The following SMYD3 variants were observed in gnomAD, a reference collection of about 807,000 sequenced individuals.
SMYD3 encodes the protein histone-lysine N-methyltransferase SMYD3.
SMYD3 carries 36 observed loss-of-function variants against 57.7 expected under a neutral mutation model. That is an observed-to-expected ratio of 0.62 (90% confidence interval 0.48 to 0.82). The LOEUF (loss-of-function observed/expected upper bound fraction) is 0.82. Ranked by LOEUF, SMYD3 falls within the 40% of genes least tolerant of loss-of-function variation. SMYD3 has a pLI of 0.00. For synonymous variants in SMYD3, 211 were observed against 195.0 expected (o/e 1.08, Z -0.68); for missense variants, 515 against 538.8 (o/e 0.96, Z 0.44).
chr1:245,771,827 C>T (rs2046350891), intron 10 of SMYD3, among the ~76,000 whole-genome samples: 1 of 151,262 alleles, frequency 6.6e-6, no homozygotes, highest in Admixed American at 6.6e-5. Flanking sequence ...ATTTTTGTTG[C>T]TGGGAGGGAA....
intron 10 of SMYD3, among the ~76,000 whole-genome samples, chr1:245,794,408 G>A (rs889308609): frequency 1.3e-5 from 2 of 152,176 alleles, no homozygotes; most frequent in African/African-American, 4.8e-5. Context: ...GTGACCTGAC[G>A]TCACTGGCTG....
intron 5 of SMYD3, among the ~76,000 whole-genome samples, chr1:246,106,290 A>G (rs2061118622): frequency 6.6e-6 from 1 of 152,230 alleles, no homozygotes; most frequent in Admixed American, 6.5e-5. Flanking sequence ...AAAATCCCTG[A>G]GGTTATAAGC....
At chr1:246,451,044 C>T (rs2067625880) in intron 1 of SMYD3, among the ~76,000 whole-genome samples, 1 of 152,134 alleles carries the variant, frequency 6.6e-6, no homozygotes, top group African/African-American at 2.4e-5. Flanking sequence ...ATACTTCAAC[C>T]ACAAACATTC....
At chr1:245,887,205 A>G (rs575419608) in intron 8 of SMYD3, among the ~76,000 whole-genome samples, 1 of 152,232 alleles carries the variant, frequency 6.6e-6, no homozygotes, top group Admixed American at 6.5e-5. Context: ...GCCAAATCCT[A>G]CCAAAACCGA....
chr1:245,947,750 A>AT (rs2057472882), intron 5 of SMYD3, among the ~76,000 whole-genome samples: 1 of 152,200 alleles, frequency 6.6e-6, no homozygotes, highest in Non-Finnish European at 1.5e-5. Flanking sequence ...CCCACTCAAT[A>AT]AACAGTCCAC....
At chr1:246,206,594 A>C (rs1381069857) in intron 5 of SMYD3, among the ~76,000 whole-genome samples, 1 of 152,198 alleles carries the variant, frequency 6.6e-6, no homozygotes, top group Admixed American at 6.5e-5. Flanking sequence ...CAAAACAAAA[A>C]TCAATAACCA....
chr1:246,137,297 CAT>C (rs1386442030), intron 5 of SMYD3, among the ~76,000 whole-genome samples: 4 of 152,120 alleles, frequency 2.6e-5, no homozygotes, highest in Non-Finnish European at 5.9e-5. Context: ...ATGGGATTCA[CAT>C]GTTTTAATCT....
At chr1:245,798,328 G>A (rs1004828543) in intron 10 of SMYD3, among the ~76,000 whole-genome samples, 5 of 28,270 alleles carry the variant, frequency 1.8e-4, no homozygotes, top group African/African-American at 5.3e-4. Flanking sequence ...CCCGGCCCAT[G>A]GGGAAGGGCA....
chr1:246,130,432 T>C (rs548910041), intron 5 of SMYD3, among the ~76,000 whole-genome samples: 176 of 152,306 alleles, frequency 1.2e-3, no homozygotes, highest in African/African-American at 4.1e-3. Context: ...AGGAAGACCA[T>C]TTATGCTAAA....
intron 5 of SMYD3, among the ~76,000 whole-genome samples, chr1:245,941,452 G>T (rs767462121): frequency 6.6e-6 from 1 of 152,164 alleles, no homozygotes; most frequent in Non-Finnish European, 1.5e-5. Flanking sequence ...AAGCCCATCA[G>T]ACTAACAGCA....
At position 245,879,778 on chromosome 1, in the gene SMYD3, C is replaced by T. The variant is rs113465581; in HGVS notation, c.814-15892G>A. Among the ~76,000 whole-genome samples the T allele has an allele frequency of 3.7e-3, 562 of 152,236 alleles. 5 individuals carry two copies. The highest frequency in any genetic ancestry group is 0.012 in the African/African-American group (516 of 41,526). On this transcript the variant is annotated intron_variant, in intron 8 of 11. Transcript: ENST00000490107. ...GAATGGCAGCAGAAGACCAGAGTGG[C>T]GGCAAATATGGTCTCAAGAAAATAA...
At chr1:246,297,411 G>A (rs772438813) in intron 5 of SMYD3, among the ~76,000 whole-genome samples, 9 of 152,082 alleles carry the variant, frequency 5.9e-5, no homozygotes, top group African/African-American at 1.2e-4. Context: ...ACTTCAGTAC[G>A]GTAGTAGAGG....
At chr1:246,457,349 T>C (rs576834669) in intron 1 of SMYD3, among the ~76,000 whole-genome samples, 8 of 152,004 alleles carry the variant, frequency 5.3e-5, no homozygotes, top group Non-Finnish European at 7.4e-5. Context: ...CTGGCCAACA[T>C]GGTGAAACCC....
At chr1:246,114,563 T>G (rs1173556591) in intron 5 of SMYD3, among the ~76,000 whole-genome samples, 1 of 152,190 alleles carries the variant, frequency 6.6e-6, no homozygotes, top group Non-Finnish European at 1.5e-5. Context: ...TTTCAGCCCC[T>G]GCCTCTTGGC....
chr1:245,798,407 T>TACACACACACACACACATACACACAC (rs1402299710), intron 10 of SMYD3, among the ~76,000 whole-genome samples: 1 of 16,304 alleles, frequency 6.1e-5, no homozygotes, highest in Non-Finnish European at 1.3e-4. Context: ...CACACACACA[T>TACACACACACACACACATACACACAC]ACACACACAT....
intron 1 of SMYD3, among the ~76,000 whole-genome samples, chr1:246,402,531 C>T (rs2066790046): frequency 6.6e-6 from 1 of 151,960 alleles, no homozygotes; most frequent in African/African-American, 2.4e-5. Flanking sequence ...ACTCAATATA[C>T]TTCAAACATC....
chr1:246,277,676 C>T (rs1169099941), intron 5 of SMYD3, among the ~76,000 whole-genome samples: 1 of 152,160 alleles, frequency 6.6e-6, no homozygotes, highest in African/African-American at 2.4e-5. Flanking sequence ...TATCCCAATA[C>T]AGACCACCGC....
intron 5 of SMYD3, among the ~76,000 whole-genome samples, chr1:246,174,005 T>C (rs1459822233): frequency 6.6e-6 from 1 of 152,106 alleles, no homozygotes; most frequent in African/African-American, 2.4e-5. Context: ...ACACAGGGTC[T>C]CATTATGCTA....
At chr1:246,169,047 A>G (rs2062274237) in intron 5 of SMYD3, among the ~76,000 whole-genome samples, 1 of 152,190 alleles carries the variant, frequency 6.6e-6, no homozygotes. Flanking sequence ...TTGCTTTAAT[A>G]TGAAAAGAAG....
Sources: allele counts gnomAD v4.1 joint callset (sites outside exome capture counted in the v4.1 genomes callset), GRCh38; gene constraint gnomAD v4.1.1; transcripts MANE v1.5; gene names NCBI Gene and HGNC (gene_info 2026-07-23, HGNC 2026-07-21).